TULP4: variants seen among roughly 807,000 people sequenced by gnomAD.
TULP4 encodes the protein TUB like protein 4, also known as tubby-related protein 4.
Under a neutral mutation model 129.0 loss-of-function variants are expected in TULP4, and 16 were observed. That is an observed-to-expected ratio of 0.12 (90% CI 0.08 to 0.19). The LOEUF (loss-of-function observed/expected upper bound fraction) is 0.19, where lower values mean the gene tolerates loss of function less well. Ranked by LOEUF, TULP4 falls within the 10% of genes least tolerant of loss-of-function variation. The probability of loss-of-function intolerance (pLI) is 1.00; values close to 1 mark genes in which losing one functional copy is unlikely to be tolerated. For missense variants in TULP4, 1,842 were observed against 2,059.1 expected, an observed-to-expected ratio of 0.89 and a Z score of 2.04; for synonymous variants, 998 against 854.0, an observed-to-expected ratio of 1.17 and a Z score of -2.94.
intron 1 of TULP4, among the ~76,000 whole-genome samples, chr6:158,360,399 G>A (rs1780758628): frequency 6.6e-6 from 1 of 152,096 alleles, no homozygotes; most frequent in Non-Finnish European, 1.5e-5. Context: ...AGCCTCGAGT[G>A]CACATGTCAG....
chr6:158,340,689 G>A lies in TULP4; in HGVS notation c.252+26421G>A, dbSNP rs574329095. 1.4e-3 allele frequency among the ~76,000 whole-genome samples: 220 copies of A among 152,220 alleles called. 1 individual carries two copies. The highest frequency in any genetic ancestry group is 3.4e-3 in the Middle Eastern group (1 of 294). ...TGACTCCGCTGAGTCCTACCTCCTC[G>A]ACAAAGCGCCCTGACCACTTGGACC... On this transcript the variant is annotated intron_variant, in intron 1 of 13. Coordinates refer to ENST00000367097, the MANE Select transcript of TULP4 (RefSeq NM_020245.5).
chr6:158,306,721 T>C (rs1779221689), intron 1 of TULP4, among the ~76,000 whole-genome samples: 1 of 152,182 alleles, frequency 6.6e-6, no homozygotes, highest in Non-Finnish European at 1.5e-5. Flanking sequence ...ATTTACCATA[T>C]TAGAAATTAA....
intron 10 of TULP4, 80 bp from the exon 11 acceptor site, chr6:158,494,673 A>G (rs1006464314): frequency 1.5e-6 from 2 of 1,306,304 alleles, no homozygotes; most frequent in African/African-American, 2.9e-5. Flanking sequence ...AGTAATAAAT[A>G]TTAACATTCT....
At chr6:158,334,799 C>T (rs376727053) in intron 1 of TULP4, among the ~76,000 whole-genome samples, 10 of 152,164 alleles carry the variant, frequency 6.6e-5, no homozygotes, top group African/African-American at 2.4e-4. Flanking sequence ...GGGTGAAACC[C>T]TCAAGGATGG....
Position 158,502,496 on chromosome 6 carries a change from C to T in TULP4, c.2833C>T (p.Arg945Cys), listed in dbSNP as rs367875154. Reference sequence around the variant, plus strand: ...GCCCTGCAGCAGTGCCACCCTGAACCGCCTGACCGTCCCTCGCTACTCCAT... The same window carrying T: ...GCCCTGCAGCAGTGCCACCCTGAACTGCCTGACCGTCCCTCGCTACTCCAT... ...PQPCSSATLN[R>C]LTVPRYSIPT... is the part of the protein sequence containing the mutation. The change falls in exon 13 of 14, where the codon CGC (arginine) becomes TGC (cysteine). Residue 945 changes from arginine to cysteine, a missense_variant. Arg to Cys is a radical substitution (Grantham distance 180). Around this residue, in one of 5 missense-constraint regions of TULP4, gnomAD observed 1,089 missense variants for 987.1 expected, o/e 1.10. Transcript: ENST00000367097. 1.2e-4 allele frequency: 196 copies of T among 1,613,022 alleles called. No homozygotes were observed. The highest frequency in any genetic ancestry group is 1.5e-4 in the Non-Finnish European group (181 of 1,179,922).
At chr6:158,467,052 T>A (rs1454446274) in intron 6 of TULP4, among the ~76,000 whole-genome samples, 1 of 152,184 alleles carries the variant, frequency 6.6e-6, no homozygotes, top group Non-Finnish European at 1.5e-5. Context: ...ACATTCAACA[T>A]GCCCAAATCT....
intron 6 of TULP4, among the ~76,000 whole-genome samples, chr6:158,470,455 G>A (rs1583913006): frequency 6.6e-6 from 1 of 152,216 alleles, no homozygotes; most frequent in Admixed American, 6.5e-5. Flanking sequence ...GTGCTCTCAG[G>A]CAAGAGATGA....
chr6:158,490,331 G>A (rs1780172116), intron 9 of TULP4, among the ~76,000 whole-genome samples: 1 of 152,200 alleles, frequency 6.6e-6, no homozygotes, highest in South Asian at 2.1e-4. Context: ...GGGAAGTGGA[G>A]GTTGCAGAGC....
chr6:158,260,563 G>A (rs1778332939), intron 1 of TULP4, among the ~76,000 whole-genome samples: 1 of 142,290 alleles, frequency 7.0e-6, no homozygotes, highest in Non-Finnish European at 1.5e-5. Flanking sequence ...GCAACAGAGC[G>A]AGACTCTGTC....
In TULP4 at chr6:158,509,838, A is replaced by G. The variant is rs563677304; in HGVS notation, c.*3144A>G. 6.6e-5 allele frequency: 10 copies of G among 151,226 alleles called. No individual in the cohort carries two copies. The highest frequency in any genetic ancestry group is 1.3e-4 in the Non-Finnish European group (9 of 67,926). 9.4% of individuals were successfully genotyped at this position (151,226 alleles called of 1,614,324 possible). On this transcript the variant is annotated 3_prime_UTR_variant, in exon 14 of 14. Transcript: ENST00000367097. ...TGCGGTCCTAGTAGTGTGACGTTTCAGTTAATAGTGGTGGTCTTATTTTCA... is the reference window on the plus strand; with the variant it reads ...TGCGGTCCTAGTAGTGTGACGTTTCGGTTAATAGTGGTGGTCTTATTTTCA...
chr6:158,297,761 T>C (rs1252465024), intron 1 of TULP4, among the ~76,000 whole-genome samples: 1 of 152,196 alleles, frequency 6.6e-6, no homozygotes, highest in Non-Finnish European at 1.5e-5. Flanking sequence ...GCAGAACTAC[T>C]GATAAGGTTC....
intron 1 of TULP4, among the ~76,000 whole-genome samples, chr6:158,263,356 C>T (rs947873255): frequency 2.4e-4 from 37 of 152,194 alleles, no homozygotes; most frequent in African/African-American, 8.7e-4. Flanking sequence ...AACCACTTAA[C>T]GTTTCAACCT....
chr6:158,328,903 C>A (rs1410727846), intron 1 of TULP4, among the ~76,000 whole-genome samples: 2 of 152,246 alleles, frequency 1.3e-5, no homozygotes, highest in South Asian at 2.1e-4. Context: ...AGAAATGAAT[C>A]CTTAGTGCAC....
intron 1 of TULP4, among the ~76,000 whole-genome samples, chr6:158,263,734 C>T (rs147550243): frequency 0.016 from 2,348 of 148,072 alleles, 66 homozygotes; most frequent in African/African-American, 0.056. Flanking sequence ...TCAGCCTGGG[C>T]GACAGAGGGA....
intron 1 of TULP4, among the ~76,000 whole-genome samples, chr6:158,247,143 G>T (rs1216320254): frequency 6.6e-6 from 1 of 152,072 alleles, no homozygotes; most frequent in East Asian, 1.9e-4. Context: ...GTTACATGGG[G>T]TATTAGGTTA....
intron 11 of TULP4, among the ~76,000 whole-genome samples, chr6:158,498,118 A>C (rs902278658): frequency 6.6e-6 from 1 of 152,208 alleles, no homozygotes; most frequent in Non-Finnish European, 1.5e-5. Context: ...ATAAATCTCT[A>C]TCCTGATGGT....
chr6:158,492,089 AC>A (rs1780224805), intron 9 of TULP4, among the ~76,000 whole-genome samples: 1 of 151,972 alleles, frequency 6.6e-6, no homozygotes, highest in Non-Finnish European at 1.5e-5. Context: ...CAAACTCCTG[AC>A]CTTGTGATCC....
intron 8 of TULP4, among the ~76,000 whole-genome samples, chr6:158,486,325 G>A (rs1055292108): frequency 7.9e-5 from 12 of 152,144 alleles, no homozygotes; most frequent in Admixed American, 3.9e-4. Flanking sequence ...TGCTTTGGAA[G>A]GCCAAATCAC....
At chr6:158,324,843 T>A (rs1779711379) in intron 1 of TULP4, among the ~76,000 whole-genome samples, 1 of 152,142 alleles carries the variant, frequency 6.6e-6, no homozygotes, top group African/African-American at 2.4e-5. Flanking sequence ...GTCTGTGTGT[T>A]TTTCTATCTA....
Sources: gnomAD v4.1 joint callset for allele counts (sites outside exome capture counted in the v4.1 genomes callset) on GRCh38, gnomAD v4.1.1 for gene constraint, gnomAD v4.1.1 regional missense constraint, MANE v1.5 for transcripts, NCBI Gene and HGNC (gene_info 2026-07-23, HGNC 2026-07-21) for gene names.